The following MORC3 variants were observed in gnomAD, a reference collection of about 807,000 sequenced individuals.
MORC3 encodes the protein MORC family CW-type zinc finger protein 3.
In MORC3, 31 loss-of-function variants were observed where a neutral mutation model predicts 109.1. The observed-to-expected ratio is 0.28, with a 90% CI of 0.21 to 0.38. MORC3 has a LOEUF of 0.38. MORC3 is among the 10% of genes least tolerant of loss of function. The pLI, the probability that MORC3 is intolerant of heterozygous loss-of-function variation, is 1.00. For synonymous variants in MORC3, 395 were observed against 380.7 expected, an observed-to-expected ratio of 1.04 and a Z score of -0.44; for missense variants, 867 against 1,135.8, an observed-to-expected ratio of 0.76 and a Z score of 3.40.
chr21:36,349,827 C>G (rs2146314973), intron 9 of MORC3, among the ~76,000 whole-genome samples: 1 of 152,256 alleles, frequency 6.6e-6, no homozygotes. Context: ...TAGGTTGGAG[C>G]TGGTCTGTAG....
At chr21:36,320,656 T>G in intron 1 of MORC3, 3 of 225,446 alleles carry the variant, frequency 1.3e-5, no homozygotes, top group Admixed American at 5.8e-5. Context: ...CCCTCTTCTG[T>G]CCGCTGGGCG....
chr21:36,350,493 G>A (rs1220920523), intron 9 of MORC3, among the ~76,000 whole-genome samples: 2 of 149,842 alleles, frequency 1.3e-5, no homozygotes, highest in South Asian at 2.1e-4. Context: ...GCAATGAGCC[G>A]TGATTGTGTC....
chr21:36,329,707 C>T (rs74402168), intron 1 of MORC3, among the ~76,000 whole-genome samples: 6 of 152,022 alleles, frequency 3.9e-5, no homozygotes, highest in East Asian at 1.9e-4. Flanking sequence ...ACTGCTCTGG[C>T]GTAACATCAC....
chr21:36,363,791 T>C (rs557723645), intron 13 of MORC3, among the ~76,000 whole-genome samples: 4 of 152,308 alleles, frequency 2.6e-5, no homozygotes, highest in South Asian at 4.1e-4. Context: ...AGCAAAGAGG[T>C]CACCACATGG....
intron 9 of MORC3, 25 bp from the exon 10 acceptor site, chr21:36,356,595 T>TTGAAA: frequency 7.3e-7 from 1 of 1,378,834 alleles, no homozygotes; most frequent in Non-Finnish European, 9.5e-7. Flanking sequence ...GAATTTTTTC[T>TTGAAA]TGATTTTATG....
chr21:36,340,226 C>T (rs986285389), intron 5 of MORC3, among the ~76,000 whole-genome samples: 41 of 149,366 alleles, frequency 2.7e-4, no homozygotes, highest in Non-Finnish European at 4.4e-4. Context: ...TGCAGTGAGC[C>T]GAGATAGCAC....
chr21:36,341,142 C>T (rs1479335375), intron 5 of MORC3, among the ~76,000 whole-genome samples: 1 of 152,140 alleles, frequency 6.6e-6, no homozygotes, highest in Non-Finnish European at 1.5e-5. Flanking sequence ...ATAGTACTTG[C>T]ATTTTATTTT....
chr21:36,372,290 G>T lies in MORC3; in HGVS notation c.2509-84G>T, dbSNP rs1300802419. The T allele has an allele frequency of 4.9e-6, 6 of 1,217,758 alleles. No individual in the cohort carries two copies. The East Asian group carries it at 7.7e-5, about 16-fold the overall frequency. The allele number at this position is 1,217,758 out of a possible 1,614,324, so 75.4% of individuals were successfully genotyped here. A position where few individuals can be genotyped will look rare whatever the true frequency, so the allele number is the denominator to read the frequency against. On this transcript the variant is annotated intron_variant, in intron 15 of 16. Coordinates refer to ENST00000400485, the MANE Select transcript of MORC3 (RefSeq NM_015358.3). ...GATAGTTGATAATGTTATCAAGCAG[G>T]TTCTCTATATTAGCTTGAAATTTCA...
Position 36,375,449 on chromosome 21 carries a change from T to C in MORC3, c.*153T>C, listed in dbSNP as rs1255969271. On this transcript the variant is annotated 3_prime_UTR_variant, in exon 17 of 17. Transcript: ENST00000400485. ...ATGCATTCAAATGTGGTCACAAATA[T>C]TGTGGACACATTATCTTATGTTTTG... 2 of 649,780 alleles carry C rather than the reference T, an allele frequency of 3.1e-6. No homozygotes were observed. Among genetic ancestry groups the C allele is most frequent in the Non-Finnish European group, 5.0e-6 (2 of 403,074 alleles). 40.3% of individuals were successfully genotyped at this position (649,780 alleles called of 1,614,324 possible). A position where few individuals can be genotyped will look rare whatever the true frequency, so the allele number is the denominator to read the frequency against.
At position 36,369,329 on chromosome 21, in the gene MORC3, C is replaced by G; in HGVS notation, c.1961C>G (p.Thr654Ser). ...AGTTTAGTTGTTAAAAAAGAAGAAA[C>G]TGTTGAAGACGAGATAGACGTAAGA... Reference protein sequence around the residue: ...VPSLVVKKEETVEDEIDVRND... With the variant: ...VPSLVVKKEESVEDEIDVRND... Residue 654 changes from threonine to serine, a missense_variant, in exon 15 of 17, where the codon ACT becomes AGT. Coordinates refer to ENST00000400485, the MANE Select transcript of MORC3 (RefSeq NM_015358.3). 6.2e-7 allele frequency: 1 copy of G among 1,614,148 alleles called. No homozygotes were observed. Among genetic ancestry groups the G allele is most frequent in the Non-Finnish European group, 8.5e-7 (1 of 1,180,044 alleles).
intron 10 of MORC3, among the ~76,000 whole-genome samples, chr21:36,358,204 G>A (rs2085668369): frequency 6.6e-6 from 1 of 151,788 alleles, no homozygotes; most frequent in South Asian, 2.1e-4. Flanking sequence ...GATCAACATG[G>A]TAAAACCCTG....
intron 6 of MORC3, among the ~76,000 whole-genome samples, chr21:36,341,853 A>G (rs1055154225): frequency 4.6e-5 from 7 of 152,210 alleles, no homozygotes; most frequent in African/African-American, 1.7e-4. Flanking sequence ...TGACATTATT[A>G]TCTTATTAGA....
rs1170670106 is a variant in MORC3, at chr21:36,320,435, G to C, written c.39+132G>C. 8.9e-6 allele frequency: 8 copies of C among 898,672 alleles called. No homozygotes were observed. The Admixed American group carries it at 1.8e-4, about 20-fold the overall frequency. 55.7% of individuals were successfully genotyped at this position (898,672 alleles called of 1,614,324 possible). On this transcript the variant is annotated intron_variant, in intron 1 of 16. Transcript: ENST00000400485. ...CGGGGGCTGCGGCGGGGCCCGGGGA[G>C]GGGGCGGCCATCTCGCTCCCGTCGG... is the stretch of plus-strand genomic sequence containing the variant.
intron 10 of MORC3, among the ~76,000 whole-genome samples, chr21:36,357,827 A>G (rs1364561202): frequency 7.1e-6 from 1 of 139,908 alleles, no homozygotes; most frequent in Non-Finnish European, 1.5e-5. Flanking sequence ...TGCAACCTCC[A>G]CCTCCCGGGT....
At chr21:36,355,795 A>G (rs1410269790) in intron 9 of MORC3, among the ~76,000 whole-genome samples, 3 of 151,900 alleles carry the variant, frequency 2.0e-5, no homozygotes. Flanking sequence ...AAAAAATGAA[A>G]AAAAAAAAAA....
At chr21:36,370,393 G>C (rs904744795) in intron 15 of MORC3, among the ~76,000 whole-genome samples, 1 of 151,810 alleles carries the variant, frequency 6.6e-6, no homozygotes, top group Admixed American at 6.6e-5. Flanking sequence ...AAATATTAGG[G>C]GTAGCCAGGT....
intron 15 of MORC3, among the ~76,000 whole-genome samples, chr21:36,372,071 C>A (rs749759742): frequency 6.6e-6 from 1 of 152,058 alleles, no homozygotes; most frequent in Non-Finnish European, 1.5e-5. Context: ...CCTCAGCCTC[C>A]CAAAGTGCTG....
At position 36,375,255 on chromosome 21, in the gene MORC3, G is replaced by C. The variant is rs2085916920; in HGVS notation, c.2779G>C (p.Gly927Arg). The C allele has an allele frequency of 6.2e-7, 1 of 1,613,646 alleles. No individual in the cohort carries two copies. The highest frequency in any genetic ancestry group is 8.5e-7 in the Non-Finnish European group (1 of 1,179,708). ...YDVDVVDEIL[G>R]QVVEQMSEIS... ...TGTTGATGTAGTTGATGAGATTTTA[G>C]GACAAGTTGTTGAACAAATGAGTGA... Residue 927 changes from glycine (G) to arginine (R), a missense_variant, in exon 17 of 17, where the codon GGA (glycine) becomes CGA (arginine). Gly to Arg is a moderately radical substitution (Grantham distance 125). Around this residue, in one of 7 missense-constraint regions of MORC3, gnomAD observed 34 missense variants for 35.2 expected, o/e 0.97. Coordinates refer to ENST00000400485, the MANE Select transcript of MORC3 (RefSeq NM_015358.3).
chr21:36,328,581 CCTA>C (rs1312793722), intron 1 of MORC3, among the ~76,000 whole-genome samples: 2 of 152,064 alleles, frequency 1.3e-5, no homozygotes, highest in Non-Finnish European at 2.9e-5. Context: ...CCTCAGTTGA[CCTA>C]CTCACCTCGG....
Sources: allele counts gnomAD v4.1 joint callset (sites outside exome capture counted in the v4.1 genomes callset), GRCh38; gene constraint gnomAD v4.1.1; regional missense constraint gnomAD v4.1.1; transcripts MANE v1.5; gene names NCBI Gene and HGNC (gene_info 2026-07-23, HGNC 2026-07-21).